The following PALS2 variants were observed in gnomAD, a reference collection of about 807,000 sequenced individuals.
PALS2 encodes the protein protein associated with LIN7 2, MAGUK p55 family member, also known as protein PALS2.
A neutral mutation model predicts 61.6 loss-of-function variants in PALS2; 27 were observed. That is an observed-to-expected ratio of 0.44 (90% CI 0.32 to 0.60). The LOEUF (loss-of-function observed/expected upper bound fraction) is 0.60. PALS2 is among the 20% of genes least tolerant of loss of function. The probability of loss-of-function intolerance (pLI) is 0.05; values close to 1 mark genes in which losing one functional copy is unlikely to be tolerated. For missense variants in PALS2, 554 were observed against 639.4 expected (o/e 0.87, Z 1.44); for synonymous variants, 236 against 218.6 (o/e 1.08, Z -0.70).
chr7:24,599,612 T>C (rs2097951), intron 1 of PALS2, among the ~76,000 whole-genome samples: 9,911 of 150,702 alleles, frequency 0.066, 393 homozygotes, highest in African/African-American at 0.1. Context: ...TCCAGTGATT[T>C]TCCCGTCCCA....
chr7:24,691,831 A>G lies in PALS2; in HGVS notation c.*4217A>G, dbSNP rs1226151971. On this transcript the variant is annotated 3_prime_UTR_variant, in exon 12 of 12. Transcript: ENST00000222644. Reference sequence around the variant, plus strand: ...GAGGTTTGCTGTGAGAATTCATGTAATAACATCTGTAATGTATTTGGAATT... The same window carrying G: ...GAGGTTTGCTGTGAGAATTCATGTAGTAACATCTGTAATGTATTTGGAATT... 6.6e-6 allele frequency: 1 copy of G among 152,076 alleles called. No homozygotes were observed. The highest frequency in any genetic ancestry group is 2.4e-5 in the African/African-American group (1 of 41,430). The allele number at this position is 152,076 out of a possible 1,614,324, so 9.4% of individuals were successfully genotyped here. A position where few individuals can be genotyped will look rare whatever the true frequency, so the allele number is the denominator to read the frequency against.
chr7:24,658,976 G>A lies in PALS2; in HGVS notation c.652-4614G>A, dbSNP rs573490007. On this transcript the variant is annotated intron_variant, in intron 5 of 11. Transcript: ENST00000222644. ...AGGTAGTGAGCATGATACCTGATAG[G>A]TAGTTTTTCAGTCCTCACCCTCCTC... is the stretch of plus-strand genomic sequence containing the variant. Among the ~76,000 whole-genome samples the A allele has an allele frequency of 5.3e-5, 8 of 152,214 alleles. No individual in the cohort carries two copies. In the South Asian group the frequency reaches 1.5e-3, roughly 28 times the overall value.
intron 2 of PALS2, among the ~76,000 whole-genome samples, chr7:24,628,173 T>A (rs1251779386): frequency 6.6e-6 from 1 of 152,190 alleles, no homozygotes; most frequent in African/African-American, 2.4e-5. Context: ...TCCACCACGA[T>A]CAAGTTGGCT....
At chr7:24,609,003 T>C in intron 1 of PALS2, among the ~76,000 whole-genome samples, 1 of 152,170 alleles carries the variant, frequency 6.6e-6, no homozygotes, top group East Asian at 1.9e-4. Context: ...GACTTGTTCT[T>C]TTATGAACAC....
At chr7:24,589,486 G>C (rs2128042802) in intron 1 of PALS2, 1 of 152,280 alleles carries the variant, frequency 6.6e-6, no homozygotes, top group South Asian at 2.1e-4. Flanking sequence ...ACCAGCATTA[G>C]TAAGTAAGCC....
At chr7:24,670,488 A>G (rs1787242217) in intron 9 of PALS2, among the ~76,000 whole-genome samples, 1 of 151,972 alleles carries the variant, frequency 6.6e-6, no homozygotes, top group Non-Finnish European at 1.5e-5. Flanking sequence ...CCTGGATCCC[A>G]TTCTTTCTCT....
chr7:24,680,914 CT>C (rs1787892914), intron 11 of PALS2, among the ~76,000 whole-genome samples: 1 of 152,104 alleles, frequency 6.6e-6, no homozygotes, highest in Non-Finnish European at 1.5e-5. Flanking sequence ...GCTAATTATG[CT>C]TATGAAATAA....
At chr7:24,624,046 A>G in intron 2 of PALS2, 1 of 1,307,440 alleles carries the variant, frequency 7.6e-7, no homozygotes, top group East Asian at 4.2e-5. Flanking sequence ...ATACCTGCAC[A>G]GTTGTGTTTT....
In PALS2 at chr7:24,618,056, G is replaced by T. The variant is rs1170717702; in HGVS notation, c.-2-5610G>T. On this transcript the variant is annotated intron_variant, in intron 1 of 11. Coordinates refer to ENST00000222644, the MANE Select transcript of PALS2 (RefSeq NM_001303037.2). The surrounding 1 kb of genome is among the most constrained non-coding windows in gnomAD (Gnocchi z 5.1). ...TTCAGGCCTCCTGGAGTATCTTAGG[G>T]TGTAGGTGCCAATGTGGAGCCAGTT... Among the ~76,000 whole-genome samples the T allele has an allele frequency of 6.6e-6, 1 of 152,174 alleles. No individual in the cohort carries two copies. The highest frequency in any genetic ancestry group is 2.4e-5 in the African/African-American group (1 of 41,446).
intron 2 of PALS2, among the ~76,000 whole-genome samples, chr7:24,640,123 A>T (rs1394286626): frequency 6.6e-6 from 1 of 151,752 alleles, no homozygotes; most frequent in East Asian, 1.9e-4. Context: ...TAATTTTTTT[A>T]ATCTAAATCT....
chr7:24,666,442 T>C (rs1787021597), intron 8 of PALS2, among the ~76,000 whole-genome samples: 3 of 152,178 alleles, frequency 2.0e-5, no homozygotes, highest in Admixed American at 2.0e-4. Context: ...TTTGTCAAGA[T>C]GTTAAAAGAG....
chr7:24,576,558 T>C (rs1782649395), intron 1 of PALS2, among the ~76,000 whole-genome samples: 1 of 152,244 alleles, frequency 6.6e-6, no homozygotes, highest in Non-Finnish European at 1.5e-5. Context: ...ATTAACAGTC[T>C]ACTGTTAAGT....
intron 3 of PALS2, among the ~76,000 whole-genome samples, chr7:24,645,634 T>C (rs1297891717): frequency 6.6e-6 from 1 of 152,298 alleles, no homozygotes; most frequent in East Asian, 1.9e-4. Flanking sequence ...TTTAAAATAT[T>C]TTTTTCTAGT....
At position 24,650,635 on chromosome 7, in the gene PALS2, G is replaced by T; in HGVS notation, c.574G>T (p.Glu192Ter). 6.2e-7 allele frequency: 1 copy of T among 1,612,196 alleles called. No homozygotes were observed. Among genetic ancestry groups the T allele is most frequent in the Non-Finnish European group, 8.5e-7 (1 of 1,178,616 alleles). ...TGGAAATAATCCAAAGGAATTACAA[G>T]AATTACTGAAAAATATTAGTGGAAG... The part of the protein sequence containing the change: ...EVGNNPKELQ[E>*]LLKNISGSVT... The change falls in exon 5 of 12, where the codon GAA becomes TAA. Residue 192 changes from glutamate (E) to a stop codon, truncating the protein, a stop_gained. Coordinates refer to ENST00000222644, the MANE Select transcript of PALS2 (RefSeq NM_001303037.2). LOFTEE classifies it high-confidence loss of function.
chr7:24,683,858 T>C (rs894757673), intron 11 of PALS2, among the ~76,000 whole-genome samples: 3 of 152,220 alleles, frequency 2.0e-5, no homozygotes, highest in African/African-American at 7.2e-5. Flanking sequence ...TTTATTTAAC[T>C]TATTTTATCT....
rs1787160074 is a variant in PALS2, at chr7:24,668,793, G to A, written c.1114+133G>A. 5 of 1,087,670 alleles carry A rather than the reference G, an allele frequency of 4.6e-6. No individual in the cohort carries two copies. In the East Asian group the frequency reaches 1.3e-4, roughly 27 times the overall value. The allele number at this position is 1,087,670 out of a possible 1,614,324, so 67.4% of individuals were successfully genotyped here. ...TCTTTATGGCAGTGAAAGTGAACAA[G>A]TAAAAGACATTGAAAAATTTAGTAA... On this transcript the variant is annotated intron_variant, in intron 9 of 11. Transcript: ENST00000222644.
chr7:24,599,381 C>T (rs186104709), intron 1 of PALS2, among the ~76,000 whole-genome samples: 1 of 151,970 alleles, frequency 6.6e-6, no homozygotes, highest in African/African-American at 2.4e-5. Flanking sequence ...ATTAAATTAA[C>T]CTTATCTTAC....
At chr7:24,592,932 T>A (rs963650400) in intron 1 of PALS2, among the ~76,000 whole-genome samples, 5 of 152,042 alleles carry the variant, frequency 3.3e-5, no homozygotes, top group African/African-American at 1.2e-4. Context: ...GGTAATTTCT[T>A]AAAATAAGAC....
intron 1 of PALS2, among the ~76,000 whole-genome samples, chr7:24,586,539 A>G (rs368842104): frequency 6.6e-6 from 1 of 152,228 alleles, no homozygotes; most frequent in Non-Finnish European, 1.5e-5. Flanking sequence ...TTGTGCATAT[A>G]GGAAGTAAAA....
Sources: gnomAD v4.1 joint callset for allele counts (sites outside exome capture counted in the v4.1 genomes callset) on GRCh38, gnomAD v4.1.1 for gene constraint, Gnocchi (gnomAD v3.1) non-coding constraint, MANE v1.5 for transcripts, NCBI Gene and HGNC (gene_info 2026-07-23, HGNC 2026-07-21) for gene names.